DPF3: variants seen among roughly 807,000 people sequenced by gnomAD.
DPF3 encodes the protein zinc finger protein DPF3.
A neutral mutation model predicts 56.8 loss-of-function variants in DPF3; 18 were observed. The ratio of observed to expected loss-of-function variants is 0.32; its 90% CI spans 0.22 to 0.47. The LOEUF is 0.47. DPF3 is among the 20% of genes least tolerant of loss of function. The pLI is 1.00. For missense variants in DPF3, 403 were observed against 488.8 expected (o/e 0.82, Z 1.65); for synonymous variants, 188 against 180.2 (o/e 1.04, Z -0.35).
At chr14:72,791,381 G>T (rs1359363968) in intron 1 of DPF3, among the ~76,000 whole-genome samples, 1 of 152,216 alleles carries the variant, frequency 6.6e-6, no homozygotes, top group Non-Finnish European at 1.5e-5. Flanking sequence ...GCCAGGGTTT[G>T]TTCTCTGTCT....
At chr14:72,884,177 G>A (rs879888723) in intron 1 of DPF3, among the ~76,000 whole-genome samples, 4 of 152,018 alleles carry the variant, frequency 2.6e-5, no homozygotes, top group Non-Finnish European at 2.9e-5. Flanking sequence ...GTGAACTCAG[G>A]TCAGGGCTAT....
intron 6 of DPF3, among the ~76,000 whole-genome samples, chr14:72,701,363 TCC>T (rs1888152785): frequency 6.6e-6 from 1 of 152,142 alleles, no homozygotes; most frequent in African/African-American, 2.4e-5. Flanking sequence ...TCTTTCTCCT[TCC>T]CCCTGGGGCG....
chr14:72,849,480 C>T (rs556380984), intron 1 of DPF3, among the ~76,000 whole-genome samples: 6 of 152,190 alleles, frequency 3.9e-5, no homozygotes, highest in Non-Finnish European at 5.9e-5. Context: ...CAGCATCCCC[C>T]GGGGCCGCCT....
chr14:72,705,639 T>C (rs978466105), intron 6 of DPF3, among the ~76,000 whole-genome samples: 1 of 152,162 alleles, frequency 6.6e-6, no homozygotes, highest in Non-Finnish European at 1.5e-5. Context: ...CCTACCCACA[T>C]GCTCTGGGTT....
At chr14:72,658,729 C>G (rs185914477) in intron 8 of DPF3, among the ~76,000 whole-genome samples, 3 of 152,264 alleles carry the variant, frequency 2.0e-5, no homozygotes, top group African/African-American at 4.8e-5. Flanking sequence ...ACATAACAAT[C>G]CTAAGTCAGG....
rs984593423 is a variant in DPF3 at position 72,836,386 on chromosome 14, G to C, written c.32+57671C>G. ...CACTCCAGAGAAACTGTCAGAGCAG[G>C]GGGCAAACCCCTGGCCTACTCCAGC... On this transcript the variant is annotated intron_variant, in intron 1 of 10. Transcript: ENST00000556509. 11 of 985,452 alleles carry C rather than the reference G, an allele frequency of 1.1e-5. No individual in the cohort carries two copies. The South Asian group carries it at 4.2e-4, about 38-fold the overall frequency. The allele number at this position is 985,452 out of a possible 1,614,324, so 61.0% of individuals were successfully genotyped here.
intron 1 of DPF3, among the ~76,000 whole-genome samples, chr14:72,857,063 C>T (rs1017516233): frequency 6.6e-6 from 1 of 152,206 alleles, no homozygotes; most frequent in African/African-American, 2.4e-5. Flanking sequence ...GGAAGAGCTG[C>T]TGAATCAGCA....
intron 3 of DPF3, among the ~76,000 whole-genome samples, chr14:72,739,046 C>G (rs1434089584): frequency 6.6e-6 from 1 of 151,972 alleles, no homozygotes; most frequent in Admixed American, 6.5e-5. Context: ...TTGAGACCAG[C>G]CTGGCCTACA....
chr14:72,858,544 C>T (rs1294833303), intron 1 of DPF3, among the ~76,000 whole-genome samples: 2 of 152,104 alleles, frequency 1.3e-5, no homozygotes, highest in Admixed American at 6.6e-5. Context: ...CAATTCAAAC[C>T]ACAGTTATTG....
intron 1 of DPF3, among the ~76,000 whole-genome samples, chr14:72,787,454 C>T (rs1468791496): frequency 6.6e-6 from 1 of 152,152 alleles, no homozygotes; most frequent in African/African-American, 2.4e-5. Context: ...GGAACACGGG[C>T]AGAGCCAAAT....
At chr14:72,893,898 A>G (rs1297156986) in intron 1 of DPF3, among the ~76,000 whole-genome samples, 159 bp downstream of exon 1, 1 of 152,220 alleles carries the variant, frequency 6.6e-6, no homozygotes, top group Non-Finnish European at 1.5e-5. Context: ...TGGGGGAAAA[A>G]AAGAAGATGA....
chr14:72,672,129 A>G (rs1886717173), intron 8 of DPF3, among the ~76,000 whole-genome samples: 1 of 152,100 alleles, frequency 6.6e-6, no homozygotes, highest in Admixed American at 6.5e-5. Flanking sequence ...CAGAAAGTTC[A>G]GTTGTCAAAT....
intron 9 of DPF3, 135 bp from the exon 10 acceptor site, chr14:72,620,119 C>T (rs1015555076): frequency 3.6e-6 from 3 of 823,212 alleles, no homozygotes; most frequent in Admixed American, 6.1e-5. Context: ...ACTTGGAGTC[C>T]TCACTGTCCC....
In DPF3 at chr14:72,800,377, A is replaced by AATGGATGG. The variant is rs71109749; in HGVS notation, c.33-28492_33-28485dup. Among the ~76,000 whole-genome samples the AATGGATGG allele has an allele frequency of 4.4e-4, 8 of 18,108 alleles. No homozygotes were observed. In the Non-Finnish European group the frequency reaches 8.6e-3, roughly 19 times the overall value. 11.9% of individuals were successfully genotyped at this position (18,108 alleles called of 152,430 possible). A position where few individuals can be genotyped will look rare whatever the true frequency, so the allele number is the denominator to read the frequency against. ...CCCTTATTAGATGGATAAATAGATAAATGGATGGATGGATGGATGGATGGA... is the reference window on the plus strand; with the variant it reads ...CCCTTATTAGATGGATAAATAGATAAATGGATGGATGGATGGATGGATGGATGGATGGA... On this transcript the variant is annotated intron_variant, in intron 1 of 10. Coordinates refer to ENST00000556509, the MANE Select transcript of DPF3 (RefSeq NM_001280542.3).
At chr14:72,794,732 A>G (rs1255315203) in intron 1 of DPF3, among the ~76,000 whole-genome samples, 1 of 152,224 alleles carries the variant, frequency 6.6e-6, no homozygotes, top group Non-Finnish European at 1.5e-5. Flanking sequence ...CAAACTTTGT[A>G]GTTTATGAAA....
chr14:72,788,038 G>T (rs886350729), intron 1 of DPF3, among the ~76,000 whole-genome samples: 1 of 152,234 alleles, frequency 6.6e-6, no homozygotes, highest in African/African-American at 2.4e-5. Context: ...CCTACCAACA[G>T]GTGCCTAACT....
At chr14:72,784,050 C>T (rs777861096) in intron 1 of DPF3, among the ~76,000 whole-genome samples, 1 of 152,142 alleles carries the variant, frequency 6.6e-6, no homozygotes, top group Non-Finnish European at 1.5e-5. Context: ...TTAAAATCAG[C>T]CTGCAGAAGC....
intron 3 of DPF3, among the ~76,000 whole-genome samples, chr14:72,738,294 G>C (rs1374616190): frequency 2.6e-5 from 4 of 151,968 alleles, no homozygotes; most frequent in African/African-American, 9.7e-5. Flanking sequence ...TCACATTGAG[G>C]ACCCATCACC....
At chr14:72,713,310 C>G (rs940481814) in intron 6 of DPF3, among the ~76,000 whole-genome samples, 1 of 152,232 alleles carries the variant, frequency 6.6e-6, no homozygotes, top group South Asian at 2.1e-4. Context: ...GTTCTCCAAC[C>G]AGCTGTCACC....
Sources: allele counts gnomAD v4.1 joint callset (sites outside exome capture counted in the v4.1 genomes callset), GRCh38; gene constraint gnomAD v4.1.1; transcripts MANE v1.5; gene names NCBI Gene and HGNC (gene_info 2026-07-23, HGNC 2026-07-21).